EXOC6B: variants seen among roughly 807,000 people sequenced by gnomAD.
EXOC6B encodes SEC15 homolog B.
In EXOC6B, 54 loss-of-function variants were observed where a neutral mutation model predicts 113.5. That is an observed-to-expected ratio of 0.48 (90% CI 0.38 to 0.60). The LOEUF is 0.60. Ranked by LOEUF, EXOC6B falls within the 20% of genes least tolerant of loss-of-function variation. The pLI, the probability that EXOC6B is intolerant of heterozygous loss-of-function variation, is 0.00. For synonymous variants in EXOC6B, 357 were observed against 339.0 expected, an observed-to-expected ratio of 1.05 and a Z score of -0.58; for missense variants, 797 against 977.5, an observed-to-expected ratio of 0.82 and a Z score of 2.46.
At chr2:72,282,923 G>A (rs144387261) in intron 20 of EXOC6B, among the ~76,000 whole-genome samples, 34 of 152,078 alleles carry the variant, frequency 2.2e-4, no homozygotes, top group African/African-American at 7.5e-4. Context: ...AAAAATGGCA[G>A]GACTAACAGG....
intron 6 of EXOC6B, among the ~76,000 whole-genome samples, chr2:72,715,699 A>G (rs1679569517): frequency 1.3e-5 from 2 of 152,098 alleles, no homozygotes; most frequent in Admixed American, 1.3e-4. Flanking sequence ...CCTTTTCTAA[A>G]TGAAAGGTTT....
intron 20 of EXOC6B, among the ~76,000 whole-genome samples, chr2:72,212,110 C>T (rs370946488): frequency 3.9e-5 from 6 of 152,098 alleles, no homozygotes; most frequent in Non-Finnish European, 8.8e-5. Flanking sequence ...AAAATGAGTG[C>T]TGTTTCTAAA....
chr2:72,217,858 T>C (rs539692388), intron 20 of EXOC6B, among the ~76,000 whole-genome samples: 45 of 152,328 alleles, frequency 3.0e-4, no homozygotes, highest in African/African-American at 1.0e-3. Flanking sequence ...GGACAGGACC[T>C]AGCATATAAG....
At chr2:72,658,919 G>T (rs1367300875) in intron 6 of EXOC6B, among the ~76,000 whole-genome samples, 1 of 151,856 alleles carries the variant, frequency 6.6e-6, no homozygotes, top group Non-Finnish European at 1.5e-5. Flanking sequence ...TCTTTTTACA[G>T]AAAATTCAGA....
chr2:72,629,005 C>T (rs764524252), intron 6 of EXOC6B, among the ~76,000 whole-genome samples: 47 of 152,136 alleles, frequency 3.1e-4, no homozygotes, highest in Admixed American at 1.1e-3. Flanking sequence ...CAATACAAGT[C>T]TAATCAATTT....
At chr2:72,432,389 T>G (rs569612286) in intron 18 of EXOC6B, among the ~76,000 whole-genome samples, 1 of 152,186 alleles carries the variant, frequency 6.6e-6, no homozygotes, top group Non-Finnish European at 1.5e-5. Context: ...TAAACATACA[T>G]GTACATGTGT....
chr2:72,419,707 C>A (rs1694754250), intron 18 of EXOC6B, among the ~76,000 whole-genome samples: 1 of 152,192 alleles, frequency 6.6e-6, no homozygotes, highest in Admixed American at 6.5e-5. Flanking sequence ...TGACAAGTCA[C>A]TTATCTCTTG....
intron 8 of EXOC6B, among the ~76,000 whole-genome samples, chr2:72,547,293 G>C (rs747419002): frequency 2.0e-5 from 3 of 152,078 alleles, no homozygotes; most frequent in Admixed American, 6.5e-5. Flanking sequence ...TAATACTGGG[G>C]GATTGCTAAA....
intron 11 of EXOC6B, among the ~76,000 whole-genome samples, chr2:72,501,507 T>C (rs960411609): frequency 6.6e-6 from 1 of 152,154 alleles, no homozygotes; most frequent in Non-Finnish European, 1.5e-5. Context: ...TCTCAAGTAT[T>C]ACTTTATAGC....
At chr2:72,589,945 G>A (rs1349548858) in intron 6 of EXOC6B, among the ~76,000 whole-genome samples, 2 of 151,974 alleles carry the variant, frequency 1.3e-5, no homozygotes, top group African/African-American at 4.8e-5. Context: ...ACATCAAAGT[G>A]AAGGGCAGTA....
intron 1 of EXOC6B, among the ~76,000 whole-genome samples, chr2:72,801,735 A>G (rs1172818584): frequency 6.6e-6 from 1 of 152,212 alleles, no homozygotes; most frequent in Non-Finnish European, 1.5e-5. Context: ...CCCTCTCTCC[A>G]TTCCATACCT....
At chr2:72,722,642 T>C (rs1484549194) in intron 5 of EXOC6B, among the ~76,000 whole-genome samples, 1 of 152,188 alleles carries the variant, frequency 6.6e-6, no homozygotes, top group African/African-American at 2.4e-5. Flanking sequence ...ACAATACAAT[T>C]CACATGGTTT....
chr2:72,777,094 A>T (rs1166422311), intron 1 of EXOC6B, among the ~76,000 whole-genome samples: 1 of 152,138 alleles, frequency 6.6e-6, no homozygotes, highest in Non-Finnish European at 1.5e-5. Context: ...TACAAAAATC[A>T]GCCAGGCGTG....
rs1698193735 is a variant in EXOC6B at position 72,468,442 on chromosome 2, T to C, written c.1801-3103A>G. 2.0e-5 allele frequency among the ~76,000 whole-genome samples: 3 copies of C among 152,182 alleles called. No homozygotes were observed. In the South Asian group the frequency reaches 6.2e-4, roughly 32 times the overall value. On this transcript the variant is annotated intron_variant, in intron 17 of 21. Coordinates refer to ENST00000272427, the MANE Select transcript of EXOC6B (RefSeq NM_015189.3). ...CTTTTGTGTGTTCTTGGCATCTTTG[T>C]CAAAAATTAACTGACTGTACATGAG...
chr2:72,508,223 A>C (rs1056271246), intron 11 of EXOC6B, among the ~76,000 whole-genome samples: 2 of 150,654 alleles, frequency 1.3e-5, no homozygotes, highest in Non-Finnish European at 2.9e-5. Context: ...GTATTATTAA[A>C]TATTTTACCA....
At chr2:72,377,020 C>T (rs1691405140) in intron 19 of EXOC6B, among the ~76,000 whole-genome samples, 1 of 151,320 alleles carries the variant, frequency 6.6e-6, no homozygotes, top group South Asian at 2.1e-4. Context: ...AAAAATAACT[C>T]GATTAAAAAA....
chr2:72,549,826 A>G (rs570726467), intron 8 of EXOC6B, among the ~76,000 whole-genome samples: 1 of 152,338 alleles, frequency 6.6e-6, no homozygotes, highest in Admixed American at 6.5e-5. Flanking sequence ...TAAGAAGAAG[A>G]AAAGCTCACA....
chr2:72,585,924 T>A (rs949665446), intron 6 of EXOC6B, among the ~76,000 whole-genome samples: 5 of 151,852 alleles, frequency 3.3e-5, no homozygotes, highest in Non-Finnish European at 7.4e-5. Flanking sequence ...AACAACACAA[T>A]AGAGAACCCA....
chr2:72,197,682 T>C (rs1679256077), intron 20 of EXOC6B, among the ~76,000 whole-genome samples: 1 of 151,852 alleles, frequency 6.6e-6, no homozygotes, highest in African/African-American at 2.4e-5. Flanking sequence ...CTGTCTCAGG[T>C]CGGACTGAAG....
Sources: gnomAD v4.1 joint callset for allele counts (sites outside exome capture counted in the v4.1 genomes callset) on GRCh38, gnomAD v4.1.1 for gene constraint, MANE v1.5 for transcripts, NCBI Gene and HGNC (gene_info 2026-07-23, HGNC 2026-07-21) for gene names.